The following IL7 variants were observed in gnomAD, a reference collection of about 807,000 sequenced individuals.
IL7 encodes the protein interleukin 7.
Under a neutral mutation model 21.6 loss-of-function variants are expected in IL7, and 3 were observed. The ratio of observed to expected loss-of-function variants is 0.14; its 90% CI spans 0.06 to 0.36. The LOEUF (loss-of-function observed/expected upper bound fraction) is 0.36, where lower values mean the gene tolerates loss of function less well. Among genes scored for constraint, IL7 ranks in the 10% least tolerant of loss-of-function variants. The pLI, the probability that IL7 is intolerant of heterozygous loss-of-function variation, is 1.00. For missense variants in IL7, 175 were observed against 200.2 expected (o/e 0.87, Z 0.76); for synonymous variants, 62 against 68.1 (o/e 0.91, Z 0.44).
exon 5 of IL7, chr8:78,675,851 T>C (rs1295859451): frequency 1.2e-6 from 2 of 1,611,256 alleles, no homozygotes; most frequent in Non-Finnish European, 1.7e-6. Flanking sequence ...GAACATTCTT[T>C]CCAGTAGCAT....
rs188606342 is a variant in IL7 at position 78,745,508 on chromosome 8, C to T, written c.148-5426G>A. On this transcript the variant is annotated intron_variant, in intron 2 of 5. Coordinates refer to ENST00000263851, the MANE Select transcript of IL7 (RefSeq NM_000880.4). ...TTTTTAGCTCTTTTTACATTGGTTTCTTAGAGACTTCACATTTTCCATTGC... is the reference window on the plus strand; with the variant it reads ...TTTTTAGCTCTTTTTACATTGGTTTTTTAGAGACTTCACATTTTCCATTGC... 3.2e-4 allele frequency among the ~76,000 whole-genome samples: 49 copies of T among 152,252 alleles called. 1 individual carries two copies. The East Asian group carries it at 9.3e-3, about 29-fold the overall frequency.
At chr8:78,782,820 C>T (rs1198483439) in intron 2 of IL7, among the ~76,000 whole-genome samples, 2 of 152,138 alleles carry the variant, frequency 1.3e-5, no homozygotes, top group Non-Finnish European at 2.9e-5. Flanking sequence ...ACAACAGCCG[C>T]TCCTCCCCCC....
chr8:78,713,017 CTG>C (rs1810997252), downstream of IL7, among the ~76,000 whole-genome samples: 1 of 152,122 alleles, frequency 6.6e-6, no homozygotes, highest in African/African-American at 2.4e-5. Context: ...AGAGTTTGTG[CTG>C]TGAGCCGTTT....
chr8:78,742,846 T>C (rs1811839466), intron 2 of IL7, among the ~76,000 whole-genome samples: 1 of 152,074 alleles, frequency 6.6e-6, no homozygotes, highest in South Asian at 2.1e-4. Context: ...AAGCCTAGTA[T>C]CCATTAATTG....
intron 2 of IL7, among the ~76,000 whole-genome samples, chr8:78,773,918 T>C (rs773182934): frequency 1.3e-5 from 2 of 152,092 alleles, no homozygotes; most frequent in Non-Finnish European, 2.9e-5. Flanking sequence ...ATTGCAAATA[T>C]GCAACTGGGG....
At chr8:78,791,232 A>C (rs72666864) in intron 2 of IL7, among the ~76,000 whole-genome samples, 12,117 of 152,254 alleles carry the variant, frequency 0.08, 583 homozygotes, top group African/African-American at 0.13. Context: ...AAATTGAACC[A>C]TCTGAAATTT....
intron 1 of IL7, among the ~76,000 whole-genome samples, chr8:78,802,968 TA>T (rs890424972): frequency 2.0e-5 from 3 of 152,142 alleles, no homozygotes; most frequent in African/African-American, 4.8e-5. Flanking sequence ...AAAAAGAGAC[TA>T]AATATTTGTT....
intron 3 of IL7, among the ~76,000 whole-genome samples, chr8:78,687,456 AC>A (rs957233137): frequency 2.7e-5 from 4 of 146,280 alleles, no homozygotes; most frequent in Non-Finnish European, 6.0e-5. Context: ...GACTATATAT[AC>A]ATAATTATAT....
chr8:78,795,153 A>G (rs907722395), intron 2 of IL7, among the ~76,000 whole-genome samples: 1 of 152,048 alleles, frequency 6.6e-6, no homozygotes, highest in Admixed American at 6.6e-5. Context: ...TAAATTAGTT[A>G]ACACATGGAA....
chr8:78,753,659 C>T (rs1204022958), intron 2 of IL7, among the ~76,000 whole-genome samples: 2 of 152,048 alleles, frequency 1.3e-5, no homozygotes, highest in African/African-American at 4.8e-5. Flanking sequence ...ATGCCTATGT[C>T]GTGAATGGTA....
At position 78,708,040 on chromosome 8, in the gene IL7, A is replaced by C. The variant is rs115263045; in HGVS notation, n.214+13308T>G. On this transcript the variant is annotated intron_variant and non_coding_transcript_variant, in intron 3 of 4. Coordinates refer to the IL7 transcript ENST00000523959. Reference sequence around the variant, plus strand: ...TAATAAATTAATTCCCTCATCTGTTAATCTATTGGCATGTCACAGAATTAT... The same window carrying C: ...TAATAAATTAATTCCCTCATCTGTTCATCTATTGGCATGTCACAGAATTAT... Among the ~76,000 whole-genome samples the C allele has an allele frequency of 8.7e-3, 1,322 of 152,252 alleles. 17 individuals carry two copies. The highest frequency in any genetic ancestry group is 0.031 in the African/African-American group (1,267 of 41,538).
At chr8:78,716,967 A>G (rs1484449116), downstream of IL7, among the ~76,000 whole-genome samples, 1 of 152,088 alleles carries the variant, frequency 6.6e-6, no homozygotes, top group African/African-American at 2.4e-5. Flanking sequence ...AAGTTTCCTG[A>G]GGCCTCCCCA....
At chr8:78,732,327 A>C (rs140816854), downstream of IL7, among the ~76,000 whole-genome samples, 877 of 152,268 alleles carry the variant, frequency 5.8e-3, 8 homozygotes, top group African/African-American at 0.02. Context: ...CAGCTATCGC[A>C]CCAGTGAAGG....
chr8:78,708,045 A>T (rs1386709341), intron 3 of IL7, among the ~76,000 whole-genome samples: 1 of 152,132 alleles, frequency 6.6e-6, no homozygotes, highest in Non-Finnish European at 1.5e-5. Context: ...CTGTTAATCT[A>T]TTGGCATGTC....
intron 3 of IL7, among the ~76,000 whole-genome samples, chr8:78,692,099 T>C (rs1229573161): frequency 1.3e-5 from 2 of 152,200 alleles, no homozygotes; most frequent in Non-Finnish European, 2.9e-5. Context: ...TATCATTTAC[T>C]GTATTCACCA....
chr8:78,724,981 T>G (rs1167483244), intron 3 of IL7, among the ~76,000 whole-genome samples: 1 of 152,082 alleles, frequency 6.6e-6, no homozygotes, highest in East Asian at 1.9e-4. Flanking sequence ...TGATTTGTGA[T>G]GTATTTCAAA....
chr8:78,791,230 C>A (rs1032731805), intron 2 of IL7, among the ~76,000 whole-genome samples: 5 of 152,006 alleles, frequency 3.3e-5, no homozygotes, highest in Non-Finnish European at 1.5e-5. Flanking sequence ...CCAAATTGAA[C>A]CATCTGAAAT....
intron 2 of IL7, among the ~76,000 whole-genome samples, chr8:78,767,908 C>A (rs1262233520): frequency 1.3e-5 from 2 of 152,030 alleles, no homozygotes; most frequent in Non-Finnish European, 2.9e-5. Context: ...TCTCCTAAAG[C>A]TATCCCTCCC....
intron 3 of IL7, chr8:78,711,883 C>T (rs1810960294): frequency 1.8e-6 from 1 of 561,144 alleles, no homozygotes; most frequent in Non-Finnish European, 2.9e-6. Context: ...AAATTAAGGA[C>T]TTGGGGAGTA....
Sources: gnomAD v4.1 joint callset for allele counts (sites outside exome capture counted in the v4.1 genomes callset) on GRCh38, gnomAD v4.1.1 for gene constraint, MANE v1.5 for transcripts, NCBI Gene and HGNC (gene_info 2026-07-23, HGNC 2026-07-21) for gene names.